Variants in DACH1 observed in about 807,000 individuals in gnomAD.
DACH1 encodes the protein dachshund family transcription factor 1, also known as dachshund homolog 1.
In DACH1, 12 loss-of-function variants were observed where a neutral mutation model predicts 54.2. The observed-to-expected ratio is 0.22, with a 90% confidence interval of 0.14 to 0.36. The LOEUF is 0.36. DACH1 is among the 10% of genes least tolerant of loss of function. The probability of loss-of-function intolerance (pLI) is 1.00; values close to 1 mark genes in which losing one functional copy is unlikely to be tolerated. For synonymous variants in DACH1, 386 were observed against 366.2 expected, an observed-to-expected ratio of 1.05 and a Z score of -0.62; for missense variants, 805 against 929.8, an observed-to-expected ratio of 0.87 and a Z score of 1.75.
At chr13:71,604,724 A>G (rs1169085604) in intron 3 of DACH1, among the ~76,000 whole-genome samples, 1 of 151,932 alleles carries the variant, frequency 6.6e-6, no homozygotes, top group African/African-American at 2.4e-5. Context: ...TAGAGAACCC[A>G]GGTGTCACAT....
At chr13:71,832,257 C>A (rs988249113) in intron 1 of DACH1, among the ~76,000 whole-genome samples, 4 of 151,814 alleles carry the variant, frequency 2.6e-5, no homozygotes, top group Non-Finnish European at 4.4e-5. Flanking sequence ...ATATTTATTT[C>A]TTCAAAATGT....
intron 2 of DACH1, among the ~76,000 whole-genome samples, chr13:71,648,353 C>G (rs1419247331): frequency 6.6e-6 from 1 of 151,894 alleles, no homozygotes; most frequent in Non-Finnish European, 1.5e-5. Context: ...TGGTGCAGAC[C>G]AGTTTAGAAA....
At chr13:71,710,396 A>C (rs566193178) in intron 1 of DACH1, among the ~76,000 whole-genome samples, 4 of 152,094 alleles carry the variant, frequency 2.6e-5, no homozygotes, top group African/African-American at 9.6e-5. Context: ...AGCCCCAGAG[A>C]TTAATGAGAA....
chr13:71,563,503 C>T (rs1245605893), intron 4 of DACH1, among the ~76,000 whole-genome samples: 1 of 151,720 alleles, frequency 6.6e-6, no homozygotes. Flanking sequence ...AAAATAATTC[C>T]TTGTTTATTT....
chr13:71,596,919 T>A (rs1297814044), intron 3 of DACH1, among the ~76,000 whole-genome samples: 1 of 152,184 alleles, frequency 6.6e-6, no homozygotes, highest in Non-Finnish European at 1.5e-5. Flanking sequence ...ATAAAAGAAG[T>A]GTGCAACAAA....
intron 2 of DACH1, among the ~76,000 whole-genome samples, chr13:71,635,360 C>T (rs2138582037): frequency 6.6e-6 from 1 of 152,258 alleles, no homozygotes; most frequent in African/African-American, 2.4e-5. Context: ...TGCAATGGTC[C>T]TTTCAAATCC....
chr13:71,737,934 G>A (rs1223406133), intron 1 of DACH1, among the ~76,000 whole-genome samples: 1 of 152,166 alleles, frequency 6.6e-6, no homozygotes, highest in Non-Finnish European at 1.5e-5. Context: ...AACAAGATGA[G>A]TAACGCTGAA....
chr13:71,557,245 G>A (rs115074752), intron 5 of DACH1, 87 bp from the exon 6 acceptor site: 2 of 1,126,312 alleles, frequency 1.8e-6, no homozygotes, highest in South Asian at 1.9e-5. Context: ...AAACTCTCTT[G>A]GACTCAACAG....
chr13:71,866,288 C>G lies in DACH1; in HGVS notation c.482G>C (p.Ser161Thr). The change falls in exon 1 of 11, where the codon AGC (serine) becomes ACC (threonine). Residue 161 changes from serine (S) to threonine (T), a missense_variant. This residue lies in a region of DACH1 where 305 missense variants were observed against 308.7 expected (regional missense o/e 0.99). Coordinates refer to ENST00000613252, the MANE Select transcript of DACH1 (RefSeq NM_080759.6). ...SSSSSSSSSS[S>T]SSCGPLPGKP... ...CCCGGGGAGGGGGCCGCAGCTGCTG[C>G]TGCTACTGCTGCTGCTGCTACTACT... is the stretch of plus-strand genomic sequence containing the variant. The G allele has an allele frequency of 6.4e-7, 1 of 1,571,664 alleles. No homozygotes were observed. The highest frequency in any genetic ancestry group is 1.2e-5 in the South Asian group (1 of 86,876).
Position 71,707,659 on chromosome 13 carries a change from C to T in DACH1, c.849-25749G>A, listed in dbSNP as rs150957438. ...GAGAGGATAATTTGTAATCAGATTT[C>T]CAAGGGCCTTAAAAGCCTACCTAGA... On this transcript the variant is annotated intron_variant, in intron 1 of 10. Coordinates refer to ENST00000613252, the MANE Select transcript of DACH1 (RefSeq NM_080759.6). 8.4e-3 allele frequency among the ~76,000 whole-genome samples: 1,274 copies of T among 152,172 alleles called. 8 individuals are homozygous for T. Among genetic ancestry groups the T allele is most frequent in the Middle Eastern group, 0.027 (8 of 294 alleles).
At chr13:71,754,869 T>C (rs1885078673) in intron 1 of DACH1, among the ~76,000 whole-genome samples, 1 of 152,186 alleles carries the variant, frequency 6.6e-6, no homozygotes, top group Admixed American at 6.5e-5. Context: ...GGCAAGTATG[T>C]TATGAATTGT....
In DACH1 at chr13:71,866,152, G is replaced by A; in HGVS notation, c.618C>T (p.Cys206=). 6.2e-7 allele frequency: 1 copy of A among 1,612,990 alleles called. No homozygotes were observed. The highest frequency in any genetic ancestry group is 1.6e-4 in the Middle Eastern group (1 of 6,062). ...AKVASFTVEG[C]ELICLPQAFD... ...AAGCCTGGGGCAGGCAGATCAGCTC[G>A]CAGCCCTCCACCGTGAAGGAAGCCA... The change falls in exon 1 of 11, where the codon TGC becomes TGT. Residue 206 remains cysteine, a synonymous_variant. Transcript: ENST00000613252.
At chr13:71,564,461 C>A (rs1884783029) in intron 4 of DACH1, among the ~76,000 whole-genome samples, 2 of 148,406 alleles carry the variant, frequency 1.3e-5, no homozygotes, top group Non-Finnish European at 1.5e-5. Context: ...TTAAGAGGAG[C>A]ACTCTTTCAC....
intron 3 of DACH1, among the ~76,000 whole-genome samples, chr13:71,610,561 T>G (rs1875249198): frequency 6.6e-6 from 1 of 152,154 alleles, no homozygotes; most frequent in South Asian, 2.1e-4. Flanking sequence ...CATATGCACA[T>G]ACATAGGCAC....
chr13:71,545,119 T>C (rs1293827216), intron 6 of DACH1, among the ~76,000 whole-genome samples: 1 of 152,088 alleles, frequency 6.6e-6, no homozygotes, highest in Non-Finnish European at 1.5e-5. Context: ...CAAACTTGCT[T>C]TTTTCAAGTA....
chr13:71,615,557 T>C (rs748718500), intron 3 of DACH1, among the ~76,000 whole-genome samples: 4 of 152,212 alleles, frequency 2.6e-5, no homozygotes, highest in Non-Finnish European at 5.9e-5. Context: ...TTCCTCTTCC[T>C]GTGTGCCCGT....
intron 2 of DACH1, among the ~76,000 whole-genome samples, chr13:71,674,185 C>T (rs1168879351): frequency 1.3e-5 from 2 of 152,174 alleles, no homozygotes; most frequent in Admixed American, 6.5e-5. Context: ...CTTCTGTGTG[C>T]ATATCTACCA....
chr13:71,518,904 AAAG>A (rs1444817211), intron 6 of DACH1, among the ~76,000 whole-genome samples: 13 of 151,908 alleles, frequency 8.6e-5, no homozygotes, highest in Non-Finnish European at 1.8e-4. Flanking sequence ...AATAAAATAA[AAAG>A]AAGAATATTT....
chr13:71,807,419 C>CAAAA (rs10688170), intron 1 of DACH1, among the ~76,000 whole-genome samples: 2,504 of 99,104 alleles, frequency 0.025, 106 homozygotes, highest in African/African-American at 0.054. Flanking sequence ...TCACAGATTG[C>CAAAA]AAAAAAAAAA....
Sources: gnomAD v4.1 joint callset for allele counts (sites outside exome capture counted in the v4.1 genomes callset) on GRCh38, gnomAD v4.1.1 for gene constraint, gnomAD v4.1.1 regional missense constraint, MANE v1.5 for transcripts, NCBI Gene and HGNC (gene_info 2026-07-23, HGNC 2026-07-21) for gene names.